Variants in PTPRU observed in about 807,000 individuals in gnomAD.
The protein encoded by PTPRU is receptor-type tyrosine-protein phosphatase U.
Under a neutral mutation model 166.3 loss-of-function variants are expected in PTPRU, and 69 were observed. That is an observed-to-expected ratio of 0.41 (90% CI 0.34 to 0.51). The LOEUF is 0.51. PTPRU is among the 20% of genes least tolerant of loss of function. The probability of loss-of-function intolerance (pLI) is 0.09; values close to 1 mark genes in which losing one functional copy is unlikely to be tolerated. For missense variants in PTPRU, 1,657 were observed against 2,013.7 expected, an observed-to-expected ratio of 0.82 and a Z score of 3.39; for synonymous variants, 793 against 814.0, an observed-to-expected ratio of 0.97 and a Z score of 0.44.
At position 29,325,650 on chromosome 1, in the gene PTPRU, G is replaced by T; in HGVS notation, c.4300G>T (p.Glu1434Ter). ...GGCCCTGGAGTACTTGGAGGGGCTG[G>T]AGTCAAGATAGCGGGGCCCTGGCCT... ...DVALEYLEGL[E>*]SR The change falls in exon 30 of 30, where the codon GAG (glutamate) becomes TAG (stop). Residue 1434 changes from glutamate (E) to a stop codon, truncating the protein, a stop_gained. Coordinates refer to ENST00000373779, the MANE Select transcript of PTPRU (RefSeq NM_133178.4). LOFTEE classifies it high-confidence loss of function. 2.5e-6 allele frequency: 4 copies of T among 1,609,622 alleles called. No homozygotes were observed. Among genetic ancestry groups the T allele is most frequent in the Non-Finnish European group, 3.4e-6 (4 of 1,177,452 alleles).
chr1:29,260,975 T>G lies in PTPRU; in HGVS notation c.1144+72T>G, dbSNP rs758547029. On this transcript the variant is annotated intron_variant, in intron 7 of 29. Transcript: ENST00000373779. This position sits in a 1 kb window ranked among gnomAD's most constrained non-coding sequence, Gnocchi z 8.3. ...GCTATGGAGGGGCGCATTCGAGAGGTAGCGTGGCCTGTGCTTGTAAACCTT... is the reference window on the plus strand; with the variant it reads ...GCTATGGAGGGGCGCATTCGAGAGGGAGCGTGGCCTGTGCTTGTAAACCTT... 8 of 1,428,876 alleles carry G rather than the reference T, an allele frequency of 5.6e-6. No homozygotes were observed. Among genetic ancestry groups the G allele is most frequent in the Non-Finnish European group, 7.3e-6 (8 of 1,090,778 alleles). The allele number at this position is 1,428,876 out of a possible 1,614,324, so 88.5% of individuals were successfully genotyped here. A position where few individuals can be genotyped will look rare whatever the true frequency, so the allele number is the denominator to read the frequency against.
chr1:29,323,328 GC>G, intron 26 of PTPRU, 42 bp from the exon 27 acceptor site: 1 of 1,589,306 alleles, frequency 6.3e-7, no homozygotes, highest in Non-Finnish European at 8.6e-7. Flanking sequence ...GTGAGCCCCG[GC>G]CAGGCTCTAC....
chr1:29,258,817 T>TG, intron 3 of PTPRU, 41 bp downstream of exon 3: 1 of 1,527,148 alleles, frequency 6.5e-7, no homozygotes, highest in South Asian at 1.3e-5. Context: ...TGCCTGGAGG[T>TG]GGGGCAGATG....
At chr1:29,305,571 G>C (rs1340154189) in intron 18 of PTPRU, 143 bp downstream of exon 18, 1 of 890,804 alleles carries the variant, frequency 1.1e-6, no homozygotes, top group Non-Finnish European at 1.9e-6. Context: ...GTCAGTGCCA[G>C]GGAGCTCAGA....
In PTPRU at chr1:29,257,033, G is replaced by T. The variant is rs1574617021; in HGVS notation, c.206-1472G>T. ...TGGTGGAGGGAGAAGAAAGGAGGGA[G>T]ATTCACACTCAGAGATGGAGAGAGG... On this transcript the variant is annotated intron_variant, in intron 2 of 29. Coordinates refer to ENST00000373779, the MANE Select transcript of PTPRU (RefSeq NM_133178.4). The surrounding 1 kb of genome is among the most constrained non-coding windows in gnomAD (Gnocchi z 4.6). Among the ~76,000 whole-genome samples the T allele has an allele frequency of 2.0e-5, 3 of 152,052 alleles. No homozygotes were observed. The highest frequency in any genetic ancestry group is 6.6e-5 in the Admixed American group (1 of 15,256).
chr1:29,296,085 T>G (rs933796803), intron 15 of PTPRU, among the ~76,000 whole-genome samples: 1 of 152,264 alleles, frequency 6.6e-6, no homozygotes, highest in African/African-American at 2.4e-5. Flanking sequence ...GAATATCCTT[T>G]GCAGAAGAAA....
chr1:29,261,867 T>G (rs1016557358), intron 7 of PTPRU, among the ~76,000 whole-genome samples: 2 of 152,120 alleles, frequency 1.3e-5, no homozygotes, highest in South Asian at 4.1e-4. Context: ...CTAAGATAAA[T>G]GTAGAGTCAC....
intron 15 of PTPRU, among the ~76,000 whole-genome samples, chr1:29,300,386 T>A (rs191832401): frequency 6.6e-6 from 1 of 152,350 alleles, no homozygotes; most frequent in African/African-American, 2.4e-5. Flanking sequence ...CGAGAGGTCT[T>A]GCAGGGAAGA....
intron 7 of PTPRU, 142 bp from the exon 8 acceptor site, chr1:29,275,306 G>C (rs760551570): frequency 8.1e-6 from 7 of 860,518 alleles, no homozygotes; most frequent in South Asian, 1.8e-5. Flanking sequence ...CTCCCTGTTT[G>C]ATGTTCTAGG....
Position 29,285,652 on chromosome 1 carries a change from A to C in PTPRU, c.2318+783A>C, listed in dbSNP as rs77614745. Among the ~76,000 whole-genome samples, 1,267 of 152,346 alleles carry C rather than the reference A, an allele frequency of 8.3e-3. 17 individuals are homozygous for C. Among genetic ancestry groups the C allele is most frequent in the African/African-American group, 0.029 (1,205 of 41,572 alleles). ...GAACGTAAGAGCTGCCAGGTAGTTC[A>C]AGGCCATCTAGTCTAGTGGTTTTCA... On this transcript the variant is annotated intron_variant, in intron 14 of 29. Coordinates refer to ENST00000373779, the MANE Select transcript of PTPRU (RefSeq NM_133178.4).
rs780379580 is a variant in PTPRU at position 29,284,863 on chromosome 1, G to T, written c.2312G>T (p.Arg771Leu). The T allele has an allele frequency of 2.5e-6, 4 of 1,610,700 alleles. No individual in the cohort carries two copies. In the Admixed American group the frequency reaches 5.0e-5, roughly 20 times the overall value. The change falls in exon 14 of 30, where the codon CGC (arginine) becomes CTC (leucine). Residue 771 changes from arginine to leucine, a missense_variant. Around this residue, in one of 3 missense-constraint regions of PTPRU, gnomAD observed 1,190 missense variants for 1,477.4 expected, o/e 0.81. Coordinates refer to ENST00000373779, the MANE Select transcript of PTPRU (RefSeq NM_133178.4). ...CTGGGTGCCATCATTGTCATCATCC[G>T]CAAAGGGTGAGTGAGGCCGGTGCCC... is the stretch of plus-strand genomic sequence containing the variant. ...LLLGAIIVIIRKGKPVNMTKA... is the reference protein window; with the variant it reads ...LLLGAIIVIILKGKPVNMTKA...
chr1:29,315,917 C>T lies in PTPRU; in HGVS notation c.3364-85C>T. ...GCCTCCACCTCAGGACACCCTGCTTCAACCTTGAGCTTGCTTAAGCCCCAT... is the reference window on the plus strand; with the variant it reads ...GCCTCCACCTCAGGACACCCTGCTTTAACCTTGAGCTTGCTTAAGCCCCAT... On this transcript the variant is annotated intron_variant, in intron 23 of 29. Transcript: ENST00000373779. The surrounding 1 kb of genome is among the most constrained non-coding windows in gnomAD (Gnocchi z 4.5). 9 of 1,510,682 alleles carry T rather than the reference C, an allele frequency of 6.0e-6. No homozygotes were observed. The South Asian group carries it at 1.0e-4, about 17-fold the overall frequency. 93.6% of individuals were successfully genotyped at this position (1,510,682 alleles called of 1,614,324 possible). A position where few individuals can be genotyped will look rare whatever the true frequency, so the allele number is the denominator to read the frequency against.
rs1325833779 is a variant in PTPRU, at chr1:29,315,648, G to A, written c.3363+141G>A. 27 of 1,249,618 alleles carry A rather than the reference G, an allele frequency of 2.2e-5. No homozygotes were observed. Among genetic ancestry groups the A allele is most frequent in the South Asian group, 4.1e-5 (3 of 73,936 alleles). The allele number at this position is 1,249,618 out of a possible 1,614,324, so 77.4% of individuals were successfully genotyped here. On this transcript the variant is annotated intron_variant, in intron 23 of 29. Coordinates refer to ENST00000373779, the MANE Select transcript of PTPRU (RefSeq NM_133178.4). The surrounding 1 kb of genome is among the most constrained non-coding windows in gnomAD (Gnocchi z 4.5). Reference sequence around the variant, plus strand: ...CTCAGATCATCCCTGACCTTGGGCCGCCAACTGCATAGGGTCATCCTGAAC... The same window carrying A: ...CTCAGATCATCCCTGACCTTGGGCCACCAACTGCATAGGGTCATCCTGAAC...
chr1:29,246,847 C>T (rs1298591210), intron 1 of PTPRU, among the ~76,000 whole-genome samples: 1 of 152,128 alleles, frequency 6.6e-6, no homozygotes, highest in African/African-American at 2.4e-5. Flanking sequence ...AACCTCTGAC[C>T]TCAAATGATC....
At chr1:29,270,025 G>A (rs919500425) in intron 7 of PTPRU, among the ~76,000 whole-genome samples, 7 of 152,066 alleles carry the variant, frequency 4.6e-5, no homozygotes, top group Non-Finnish European at 7.3e-5. Context: ...GAAACCTAGC[G>A]CTTGTAGTTC....
chr1:29,287,833 G>A (rs2151956170), intron 14 of PTPRU, among the ~76,000 whole-genome samples: 1 of 151,198 alleles, frequency 6.6e-6, no homozygotes, highest in African/African-American at 2.4e-5. Context: ...TATTTTTTGA[G>A]ACAGAGTTTT....
chr1:29,249,915 G>A (rs1296119546), intron 1 of PTPRU, among the ~76,000 whole-genome samples: 3 of 152,180 alleles, frequency 2.0e-5, no homozygotes, highest in South Asian at 2.1e-4. Context: ...TCACCCTGGC[G>A]TTCAGGGTCC....
At chr1:29,323,224 G>A in intron 26 of PTPRU, 147 bp from the exon 27 acceptor site, 1 of 1,071,206 alleles carries the variant, frequency 9.3e-7, no homozygotes, top group Non-Finnish European at 1.3e-6. Flanking sequence ...GATTGGGGGA[G>A]CTGCTGAAGG....
chr1:29,324,400 C>T (rs1430045429), intron 28 of PTPRU, among the ~76,000 whole-genome samples: 1 of 151,996 alleles, frequency 6.6e-6, no homozygotes, highest in African/African-American at 2.4e-5. Context: ...GAGTGAGGGC[C>T]GCATCAGTCT....
Sources: allele counts gnomAD v4.1 joint callset (sites outside exome capture counted in the v4.1 genomes callset), GRCh38; gene constraint gnomAD v4.1.1; regional missense constraint gnomAD v4.1.1; non-coding constraint Gnocchi (gnomAD v3.1); transcripts MANE v1.5; gene names NCBI Gene and HGNC (gene_info 2026-07-23, HGNC 2026-07-21).